APBB1IP: variants seen among roughly 807,000 people sequenced by gnomAD.
The protein encoded by APBB1IP is amyloid beta A4 precursor protein-binding family B member 1-interacting protein.
APBB1IP carries 27 observed loss-of-function variants against 64.9 expected under a neutral mutation model. The ratio of observed to expected loss-of-function variants is 0.42; its 90% confidence interval spans 0.31 to 0.57. The LOEUF (loss-of-function observed/expected upper bound fraction) is 0.57, where lower values mean the gene tolerates loss of function less well. Among genes scored for constraint, APBB1IP ranks in the 20% least tolerant of loss-of-function variants. The pLI is 0.20. For missense variants in APBB1IP, 812 were observed against 845.5 expected (o/e 0.96, Z 0.49); for synonymous variants, 392 against 331.0 (o/e 1.18, Z -2.00).
intron 2 of APBB1IP, among the ~76,000 whole-genome samples, chr10:26,445,165 AAAGAAAGAAAGAAAG>A (rs1835382108): frequency 6.6e-6 from 1 of 151,030 alleles, no homozygotes; most frequent in Non-Finnish European, 1.5e-5. Context: ...AGAAAGAAAG[AAAGAAAGAAAGAAAG>A]AAAGAAAGAA....
chr10:26,496,664 T>A (rs538058594), intron 4 of APBB1IP, among the ~76,000 whole-genome samples: 4 of 152,162 alleles, frequency 2.6e-5, no homozygotes, highest in South Asian at 4.2e-4. Flanking sequence ...AGTTTCTTCT[T>A]ATTACTGAGC....
Position 26,445,127 on chromosome 10 carries a change from GAAAAGAA to G in APBB1IP, c.-1+6276_-1+6282del, listed in dbSNP as rs1319165539. ...AAAAAGAGGAAAAGAAAGAAAGAAA[GAAAAGAA>G]AGAAAGAAAGAAAGAAAGAAAGAAA... On this transcript the variant is annotated intron_variant, in intron 2 of 14. Coordinates refer to ENST00000376236, the MANE Select transcript of APBB1IP (RefSeq NM_019043.4). Among the ~76,000 whole-genome samples the G allele has an allele frequency of 9.9e-3, 470 of 47,320 alleles. 6 individuals are homozygous for G. The highest frequency in any genetic ancestry group is 0.019 in the Admixed American group (70 of 3,712). The allele number at this position is 47,320 out of a possible 152,430, so 31.0% of individuals were successfully genotyped here.
At chr10:26,455,068 G>A (rs1835506588) in intron 2 of APBB1IP, among the ~76,000 whole-genome samples, 1 of 152,234 alleles carries the variant, frequency 6.6e-6, no homozygotes, top group South Asian at 2.1e-4. Context: ...TATTCTGGCT[G>A]TTCAGGAAAT....
At chr10:26,557,386 T>G (rs1434544392) in intron 11 of APBB1IP, among the ~76,000 whole-genome samples, 1 of 152,242 alleles carries the variant, frequency 6.6e-6, no homozygotes, top group Non-Finnish European at 1.5e-5. Context: ...TTGACCGTTC[T>G]TCGAGCAATG....
intron 10 of APBB1IP, among the ~76,000 whole-genome samples, chr10:26,538,451 T>C (rs979667310): frequency 6.6e-6 from 1 of 151,686 alleles, no homozygotes. Context: ...GACCAGCCTG[T>C]CCAACATGGT....
At chr10:26,556,210 C>A (rs1301155049) in intron 11 of APBB1IP, among the ~76,000 whole-genome samples, 3 of 152,178 alleles carry the variant, frequency 2.0e-5, no homozygotes, top group African/African-American at 7.2e-5. Flanking sequence ...CAGCATTTTC[C>A]TGAAACCTCT....
chr10:26,455,666 AG>A (rs1835516864), intron 2 of APBB1IP, among the ~76,000 whole-genome samples: 3 of 151,488 alleles, frequency 2.0e-5, no homozygotes, highest in African/African-American at 7.3e-5. Context: ...CTGCTGATTC[AG>A]CTGTTTAGAG....
chr10:26,555,043 A>C (rs573461337), intron 11 of APBB1IP, among the ~76,000 whole-genome samples: 1 of 152,234 alleles, frequency 6.6e-6, no homozygotes, highest in South Asian at 2.1e-4. Context: ...TAAACCCATA[A>C]CATCCACCTA....
At chr10:26,537,952 AAG>A (rs1460147384) in intron 10 of APBB1IP, among the ~76,000 whole-genome samples, 5 of 146,304 alleles carry the variant, frequency 3.4e-5, no homozygotes, top group Non-Finnish European at 6.1e-5. Context: ...AAAAAAAAAA[AAG>A]TGTTTACAGT....
intron 6 of APBB1IP, among the ~76,000 whole-genome samples, chr10:26,505,229 T>C (rs1233942546): frequency 6.6e-6 from 1 of 152,194 alleles, no homozygotes; most frequent in Non-Finnish European, 1.5e-5. Context: ...TGGATGGATA[T>C]TCAGGAAGTA....
intron 11 of APBB1IP, among the ~76,000 whole-genome samples, chr10:26,548,764 A>G (rs1186856187): frequency 2.0e-5 from 3 of 152,150 alleles, no homozygotes; most frequent in Non-Finnish European, 4.4e-5. Flanking sequence ...GATTTTCTAC[A>G]TATGAGATCA....
In APBB1IP at chr10:26,496,350, G is replaced by A; in HGVS notation, c.119G>A (p.Arg40Lys). 5.0e-6 allele frequency: 8 copies of A among 1,613,094 alleles called. No homozygotes were observed. The highest frequency in any genetic ancestry group is 6.8e-6 in the Non-Finnish European group (8 of 1,179,400). The change falls in exon 4 of 15, where the codon AGA (arginine) becomes AAA (lysine). Residue 40 changes from arginine to lysine, a missense_variant. Physicochemically the swap from Arg to Lys is conservative, Grantham distance 26. Transcript: ENST00000376236. ...CCTCCTCCTGACCCTAATCCACCCA[G>A]AGCTGAATTTAACTACAGTGTGGGG... ...TLPPPDPNPP[R>K]AEFNYSVGFK...
At chr10:26,564,446 C>T (rs1289650789) in intron 14 of APBB1IP, among the ~76,000 whole-genome samples, 2 of 152,178 alleles carry the variant, frequency 1.3e-5, no homozygotes, top group African/African-American at 4.8e-5. Context: ...AGACACGAGT[C>T]ATAATGAGGA....
chr10:26,522,292 A>G (rs1420939860), intron 8 of APBB1IP, among the ~76,000 whole-genome samples: 1 of 152,164 alleles, frequency 6.6e-6, no homozygotes, highest in African/African-American at 2.4e-5. Context: ...GTGCCTTCAC[A>G]CACACACAGC....
At chr10:26,461,294 A>G (rs1835589201) in intron 2 of APBB1IP, among the ~76,000 whole-genome samples, 1 of 152,212 alleles carries the variant, frequency 6.6e-6, no homozygotes. Context: ...TTTCTTTTGC[A>G]TATGGCAATG....
At chr10:26,491,505 C>T (rs1021878877) in intron 2 of APBB1IP, among the ~76,000 whole-genome samples, 1 of 152,138 alleles carries the variant, frequency 6.6e-6, no homozygotes, top group African/African-American at 2.4e-5. Flanking sequence ...TGCGTCCCAC[C>T]CTATTTTGTC....
intron 2 of APBB1IP, among the ~76,000 whole-genome samples, chr10:26,465,289 T>C (rs987275885): frequency 6.6e-6 from 1 of 152,230 alleles, no homozygotes; most frequent in African/African-American, 2.4e-5. Flanking sequence ...ACAGGCACCC[T>C]TCATTGCTTC....
chr10:26,537,422 A>G lies in APBB1IP; in HGVS notation c.1044+1205A>G, dbSNP rs377603279. On this transcript the variant is annotated intron_variant, in intron 10 of 14. Coordinates refer to ENST00000376236, the MANE Select transcript of APBB1IP (RefSeq NM_019043.4). ...CATTATGGCTAACTCTTGGTCCAGG[A>G]CAGCTACTGTTCTCCTTAGCCTCTT... is the stretch of plus-strand genomic sequence containing the variant. Among the ~76,000 whole-genome samples, 13 of 152,144 alleles carry G rather than the reference A, an allele frequency of 8.5e-5. No homozygotes were observed. In the East Asian group the frequency reaches 1.7e-3, roughly 20 times the overall value.
intron 4 of APBB1IP, among the ~76,000 whole-genome samples, chr10:26,498,627 A>G (rs1188917759): frequency 6.6e-6 from 1 of 152,250 alleles, no homozygotes; most frequent in Non-Finnish European, 1.5e-5. Context: ...CATGCTTTAT[A>G]ATCAGTTCAA....
Sources: allele counts gnomAD v4.1 joint callset (sites outside exome capture counted in the v4.1 genomes callset), GRCh38; gene constraint gnomAD v4.1.1; transcripts MANE v1.5; gene names NCBI Gene and HGNC (gene_info 2026-07-23, HGNC 2026-07-21).